Variants in MISFA observed in about 807,000 individuals in gnomAD.
MISFA encodes mitochondrial sheath formation associated, also known as mitochondrial sheath formation-associated protein.
the MISFA span, among the ~76,000 whole-genome samples, chr11:18,605,239 CAAAAAGAAAAAA>C: frequency 1.6e-5 from 2 of 124,140 alleles, no homozygotes; most frequent in Admixed American, 8.6e-5. Flanking sequence ...GACCTTGTCT[CAAAAAGAAAAAA>C]AAAAAGAGAA....
At chr11:18,609,784 G>C in the MISFA span, 243 of 1,306,288 alleles carry the variant, frequency 1.9e-4, no homozygotes, top group Non-Finnish European at 2.6e-4. Context: ...AAAATGATAA[G>C]GGGGCTTCTT....
At chr11:18,603,118 C>T in the MISFA span, 1 of 399,038 alleles carries the variant, frequency 2.5e-6, no homozygotes, top group South Asian at 1.3e-4. Context: ...AGAAAGAAGC[C>T]TCATGATGAT....
the MISFA span, chr11:18,601,055 G>A: frequency 5.8e-5 from 23 of 398,524 alleles, no homozygotes; most frequent in African/African-American, 4.1e-4. Flanking sequence ...CCAATGAGTA[G>A]AGCCATCTCT....
At chr11:18,603,899 T>C in the MISFA span, 1 of 391,296 alleles carries the variant, frequency 2.6e-6, no homozygotes, top group Non-Finnish European at 4.5e-6. Context: ...TCATATTTTA[T>C]GTTAAGAAGT....
chr11:18,605,217 G>C, the MISFA span, among the ~76,000 whole-genome samples: 2 of 151,478 alleles, frequency 1.3e-5, no homozygotes, highest in Non-Finnish European at 2.9e-5. Flanking sequence ...TCCAGCCTGG[G>C]TGACAAAGCA....
chr11:18,603,180 A>G, the MISFA span: 1 of 399,086 alleles, frequency 2.5e-6, no homozygotes, highest in South Asian at 1.3e-4. Context: ...AGGGATATAA[A>G]TATCCCCCAG....
the MISFA span, chr11:18,602,944 C>A: frequency 7.6e-6 from 3 of 392,580 alleles, no homozygotes; most frequent in Middle Eastern, 6.4e-4. Context: ...GCTCTGCCCC[C>A]CTAAATGGCC....
chr11:18,603,246 C>A, the MISFA span: 1 of 398,874 alleles, frequency 2.5e-6, no homozygotes, highest in African/African-American at 2.1e-5. Context: ...AATGTATTCC[C>A]GCCCCCAAAA....
chr11:18,609,645 C>T, the MISFA span: 1 of 567,550 alleles, frequency 1.8e-6, no homozygotes, highest in East Asian at 3.0e-5. Flanking sequence ...CATAAGAGCA[C>T]AAGTGGGCAT....
chr11:18,609,711 TCAAATGACAGCCTG>T, the MISFA span: 1 of 658,930 alleles, frequency 1.5e-6, no homozygotes, highest in Non-Finnish European at 2.6e-6. Flanking sequence ...TATTTTATGC[TCAAATGACAGCCTG>T]CAAATGACAG....
At chr11:18,609,016 T>C in the MISFA span, 3 of 152,082 alleles carry the variant, frequency 2.0e-5, no homozygotes, top group Non-Finnish European at 3.0e-5. Flanking sequence ...CACATGTTAC[T>C]TCCTTATTTT....
the MISFA span, among the ~76,000 whole-genome samples, chr11:18,603,360 C>T: frequency 5.3e-5 from 8 of 152,168 alleles, no homozygotes; most frequent in Admixed American, 2.0e-4. Context: ...TTTTCTTTCA[C>T]GTGATCTTTA....
the MISFA span, chr11:18,602,212 A>G: frequency 1.3e-5 from 2 of 151,730 alleles, no homozygotes; most frequent in Non-Finnish European, 2.9e-5. Context: ...TTTCATTCAG[A>G]CCTGTTTTTT....
At chr11:18,601,314 G>A in the MISFA span, 8 of 397,816 alleles carry the variant, frequency 2.0e-5, no homozygotes, top group Admixed American at 4.4e-5. Context: ...ATGATTTGGT[G>A]AGTACTGCTG....
At chr11:18,609,080 T>C in the MISFA span, 1 of 152,274 alleles carries the variant, frequency 6.6e-6, no homozygotes, top group Non-Finnish European at 1.5e-5. Flanking sequence ...TTTTCTTCGA[T>C]ATAAAAATGA....
chr11:18,606,529 A>T, the MISFA span: 2 of 201,940 alleles, frequency 9.9e-6, no homozygotes, highest in Non-Finnish European at 2.0e-5. Flanking sequence ...CTATCTAAAA[A>T]TTTTTTTAAC....
chr11:18,602,943 C>T, the MISFA span: 1 of 392,390 alleles, frequency 2.5e-6, no homozygotes, highest in Non-Finnish European at 4.5e-6. Context: ...AGCTCTGCCC[C>T]CCTAAATGGC....
the MISFA span, chr11:18,606,827 T>G: frequency 2.7e-6 from 1 of 367,178 alleles, no homozygotes; most frequent in Non-Finnish European, 5.1e-6. Context: ...GGAGAAAATC[T>G]TGGGGATTAC....
the MISFA span, among the ~76,000 whole-genome samples, chr11:18,604,296 G>A: frequency 1.3e-5 from 2 of 152,104 alleles, no homozygotes; most frequent in Non-Finnish European, 2.9e-5. Flanking sequence ...AGAGGGTGGG[G>A]AAGTAGTTGA....
Sources: allele counts gnomAD v4.1 joint callset (sites outside exome capture counted in the v4.1 genomes callset), GRCh38; gene constraint gnomAD v4.1.1; transcripts MANE v1.5; gene names NCBI Gene and HGNC (gene_info 2026-07-23, HGNC 2026-07-21).